Variants in CYP27B1 observed in about 807,000 individuals in gnomAD.
CYP27B1 encodes 25-hydroxyvitamin D-1 alpha hydroxylase, mitochondrial.
Under a neutral mutation model 54.8 loss-of-function variants are expected in CYP27B1, and 46 were observed. That is an observed-to-expected ratio of 0.84 (90% CI 0.66 to 1.07). The LOEUF (loss-of-function observed/expected upper bound fraction) is 1.07. Ranked by LOEUF, CYP27B1 falls within the 50% of genes least tolerant of loss-of-function variation. The pLI, the probability that CYP27B1 is intolerant of heterozygous loss-of-function variation, is 0.00. For synonymous variants in CYP27B1, 292 were observed against 297.3 expected (o/e 0.98, Z 0.18); for missense variants, 674 against 692.2 (o/e 0.97, Z 0.30).
In CYP27B1 at chr12:57,767,046, T is replaced by G. The variant is rs775231921; in HGVS notation, c.-5A>C. ...GTACTTGAGGGTCTGGGTCATGGTC[T>G]GGTTCAGGGTGCTCGCGAAAGAAAG... On this transcript the variant is annotated 5_prime_UTR_variant, in exon 1 of 9. Transcript: ENST00000228606. 6.2e-7 allele frequency: 1 copy of G among 1,614,084 alleles called. No homozygotes were observed. The highest frequency in any genetic ancestry group is 8.5e-7 in the Non-Finnish European group (1 of 1,179,930).
rs1565810563 is a variant in CYP27B1, at chr12:57,763,702, T to TG, written c.1321dup (p.His441ProfsTer24). ...GCCAAAGGGAAGAGATGCAAATGGG[T>TG]GGGGGGTGGGACCCTCCCCCAGCCA... On this transcript the variant is annotated frameshift_variant, in exon 8 of 9. Transcript: ENST00000228606. LOFTEE classifies it high-confidence loss of function. 2 of 1,475,972 alleles carry TG rather than the reference T, an allele frequency of 1.4e-6. No homozygotes were observed. Among genetic ancestry groups the TG allele is most frequent in the Non-Finnish European group, 9.4e-7 (1 of 1,059,084 alleles). The allele number at this position is 1,475,972 out of a possible 1,614,324, so 91.4% of individuals were successfully genotyped here. A position where few individuals can be genotyped will look rare whatever the true frequency, so the allele number is the denominator to read the frequency against.
chr12:57,766,766 C>G (rs2427641), intron 1 of CYP27B1, 81 bp downstream of exon 1: 8 of 1,454,676 alleles, frequency 5.5e-6, no homozygotes, highest in Non-Finnish European at 7.7e-6. Flanking sequence ...CCCACATTTG[C>G]TCTGCACTAG....
chr12:57,766,715 G>A (rs892947806), intron 1 of CYP27B1, 132 bp downstream of exon 1: 5 of 1,010,810 alleles, frequency 4.9e-6, no homozygotes, highest in African/African-American at 1.6e-5. Flanking sequence ...GCCTCAACTC[G>A]CCTTTTCCTT....
In CYP27B1 at chr12:57,764,971, G is replaced by T. The variant is rs772846974; in HGVS notation, c.790+40C>A. 4 of 1,613,992 alleles carry T rather than the reference G, an allele frequency of 2.5e-6. No homozygotes were observed. The South Asian group carries it at 4.4e-5, about 18-fold the overall frequency. On this transcript the variant is annotated intron_variant, in intron 4 of 8. Transcript: ENST00000228606. ...GTGAATACCTCGCTACCCCTGGACA[G>T]CTTTACATTCCCCCATTTCCACCTC...
rs1955349583 is a variant in CYP27B1, at chr12:57,765,225, G to T, written c.590-14C>A. On this transcript the variant is annotated splice_polypyrimidine_tract_variant and intron_variant, in intron 3 of 8. Transcript: ENST00000228606. This position sits in a 1 kb window ranked among gnomAD's most constrained non-coding sequence, Gnocchi z 5.8. ...CCGCGGCGATGCCTTGTCGGGAGGG[G>T]GCGCCGTCAGGGTTCCGGGAGGCTC... 1 of 1,611,434 alleles carries T rather than the reference G, an allele frequency of 6.2e-7. No individual in the cohort carries two copies. The highest frequency in any genetic ancestry group is 1.3e-5 in the African/African-American group (1 of 74,902).
chr12:57,765,435 C>A lies in CYP27B1; in HGVS notation c.451G>T (p.Ala151Ser). Reference protein sequence around the residue: ...LAPLLLRPQAAARYAGTLNNV... With the variant: ...LAPLLLRPQASARYAGTLNNV... The stretch of plus-strand genomic sequence containing the variant: ...TTCAGGGTTCCGGCGTAGCGGGCGG[C>A]CGCTTGAGGCCGGAGGAGGAGCGGG... The change falls in exon 3 of 9, where the codon GCC becomes TCC. Residue 151 changes from alanine to serine, a missense_variant. Ala to Ser is a moderately conservative substitution (Grantham distance 99). Coordinates refer to ENST00000228606, the MANE Select transcript of CYP27B1 (RefSeq NM_000785.4). This position sits in a 1 kb window ranked among gnomAD's most constrained non-coding sequence, Gnocchi z 5.8. The A allele has an allele frequency of 6.2e-7, 1 of 1,612,656 alleles. No homozygotes were observed. The highest frequency in any genetic ancestry group is 8.5e-7 in the Non-Finnish European group (1 of 1,179,488).
Position 57,766,827 on chromosome 12 carries a change from G to A in CYP27B1, c.195+20C>T, listed in dbSNP as rs1955365957. 9.3e-6 allele frequency: 15 copies of A among 1,613,786 alleles called. No individual in the cohort carries two copies. Among genetic ancestry groups the A allele is most frequent in the African/African-American group, 1.3e-5 (1 of 74,932 alleles). On this transcript the variant is annotated intron_variant, in intron 1 of 8. Transcript: ENST00000228606. ...CCAGTTTCCCCAGCACTCTGTCTCG[G>A]GAAAGGCGTCCCTTCCTACCTGCAG...
rs1348643144 is a variant in CYP27B1, at chr12:57,764,884, C to A, written c.833G>T (p.Arg278Met). ...VERREAEAAMRNGGQPEKDLE... is the reference protein window; with the variant it reads ...VERREAEAAMMNGGQPEKDLE... ...GTCCTTCTCGGGCTGTCCTCCGTTCCTCATGGCTGCCTCTGCCTCTCGCCG... is the reference window on the plus strand; with the variant it reads ...GTCCTTCTCGGGCTGTCCTCCGTTCATCATGGCTGCCTCTGCCTCTCGCCG... The change falls in exon 5 of 9, where the codon AGG (arginine) becomes ATG (methionine). Residue 278 changes from arginine (R) to methionine (M), a missense_variant. Physicochemically the swap from Arg to Met is moderately conservative, Grantham distance 91. Coordinates refer to ENST00000228606, the MANE Select transcript of CYP27B1 (RefSeq NM_000785.4). 2 of 1,614,182 alleles carry A rather than the reference C, an allele frequency of 1.2e-6. No individual in the cohort carries two copies. Among genetic ancestry groups the A allele is most frequent in the East Asian group, 4.5e-5 (2 of 44,880 alleles).
intron 8 of CYP27B1, 44 bp downstream of exon 8, chr12:57,763,567 G>T: frequency 1.3e-6 from 2 of 1,531,462 alleles, no homozygotes; most frequent in South Asian, 2.2e-5. Flanking sequence ...TAGAGGGTTA[G>T]GGTCTCTCCA....
At chr12:57,764,229 C>G in intron 6 of CYP27B1, 53 bp from the exon 7 acceptor site, 1 of 1,565,464 alleles carries the variant, frequency 6.4e-7, no homozygotes, top group Non-Finnish European at 8.8e-7. Flanking sequence ...GGGGCTGCAG[C>G]CCCCTTCTCA....
intron 7 of CYP27B1, 91 bp downstream of exon 7, chr12:57,764,007 G>A (rs1955338729): frequency 3.3e-6 from 4 of 1,201,886 alleles, no homozygotes; most frequent in African/African-American, 3.0e-5. Flanking sequence ...GGGAGTGTTT[G>A]AAGGGCTTTT....
rs1955356359 is a variant in CYP27B1 at position 57,765,942 on chromosome 12, CG to C, written c.386+64del. On this transcript the variant is annotated intron_variant, in intron 2 of 8. Transcript: ENST00000228606. This position sits in a 1 kb window ranked among gnomAD's most constrained non-coding sequence, Gnocchi z 5.8. Reference sequence around the variant, plus strand: ...CACCATGCCCCCAGATTGATAGTTTCGGGACCCGCAGCAGGAGAGGGCCGCT... The same window carrying C: ...CACCATGCCCCCAGATTGATAGTTTCGGACCCGCAGCAGGAGAGGGCCGCT... 1.4e-6 allele frequency: 2 copies of C among 1,474,676 alleles called. No homozygotes were observed. The highest frequency in any genetic ancestry group is 2.6e-5 in the Admixed American group (1 of 39,118). The allele number at this position is 1,474,676 out of a possible 1,614,324, so 91.3% of individuals were successfully genotyped here. A position where few individuals can be genotyped will look rare whatever the true frequency, so the allele number is the denominator to read the frequency against.
intron 7 of CYP27B1, 51 bp downstream of exon 7, chr12:57,764,047 C>T: frequency 6.8e-7 from 1 of 1,469,760 alleles, no homozygotes; most frequent in Non-Finnish European, 9.5e-7. Flanking sequence ...GGGTTGGGGC[C>T]CAAGATAGTG....
chr12:57,766,989 G>C lies in CYP27B1; in HGVS notation c.53C>G (p.Ala18Gly). Reference sequence around the variant, plus strand: ...GCCTAGGGAGGCGCCCAACTCGGGCGCCCAGCGGACGCGATGGAACACTCT... The same window carrying C: ...GCCTAGGGAGGCGCCCAACTCGGGCCCCCAGCGGACGCGATGGAACACTCT... ...ASRVFHRVRW[A>G]PELGASLGYR... Residue 18 changes from alanine (A) to glycine (G), a missense_variant, in exon 1 of 9, where the codon GCG becomes GGG. Transcript: ENST00000228606. 1 of 1,614,182 alleles carries C rather than the reference G, an allele frequency of 6.2e-7. No homozygotes were observed.
At position 57,765,950 on chromosome 12, in the gene CYP27B1, G is replaced by T. The variant is rs932900923; in HGVS notation, c.386+57C>A. ...CCCCAGATTGATAGTTTCGGGACCCGCAGCAGGAGAGGGCCGCTGCAGGGC... is the reference window on the plus strand; with the variant it reads ...CCCCAGATTGATAGTTTCGGGACCCTCAGCAGGAGAGGGCCGCTGCAGGGC... On this transcript the variant is annotated intron_variant, in intron 2 of 8. Coordinates refer to ENST00000228606, the MANE Select transcript of CYP27B1 (RefSeq NM_000785.4). This position sits in a 1 kb window ranked among gnomAD's most constrained non-coding sequence, Gnocchi z 5.8. 77 of 1,481,968 alleles carry T rather than the reference G, an allele frequency of 5.2e-5. No individual in the cohort carries two copies. In the African/African-American group the frequency reaches 8.9e-4, roughly 17 times the overall value. The allele number at this position is 1,481,968 out of a possible 1,614,324, so 91.8% of individuals were successfully genotyped here.
Position 57,765,219 on chromosome 12 carries a change from G to C in CYP27B1, c.590-8C>G. ...GCAGAACCGCGGCGATGCCTTGTCGGGAGGGGGCGCCGTCAGGGTTCCGGG... is the reference window on the plus strand; with the variant it reads ...GCAGAACCGCGGCGATGCCTTGTCGCGAGGGGGCGCCGTCAGGGTTCCGGG... On this transcript the variant is annotated splice_region_variant and splice_polypyrimidine_tract_variant and intron_variant, in intron 3 of 8. Coordinates refer to ENST00000228606, the MANE Select transcript of CYP27B1 (RefSeq NM_000785.4). This position sits in a 1 kb window ranked among gnomAD's most constrained non-coding sequence, Gnocchi z 5.8. 1 of 1,611,794 alleles carries C rather than the reference G, an allele frequency of 6.2e-7. No individual in the cohort carries two copies. Among genetic ancestry groups the C allele is most frequent in the Non-Finnish European group, 8.5e-7 (1 of 1,179,162 alleles).
At chr12:57,764,057 G>A in intron 7 of CYP27B1, 41 bp downstream of exon 7, 1 of 1,509,936 alleles carries the variant, frequency 6.6e-7, no homozygotes, top group South Asian at 1.1e-5. Flanking sequence ...CCAAGATAGT[G>A]AGGAATGGCT....
chr12:57,762,698 C>A lies in CYP27B1; in HGVS notation c.*444G>T. 1 of 252,396 alleles carries A rather than the reference C, an allele frequency of 4.0e-6. No homozygotes were observed. Among genetic ancestry groups the A allele is most frequent in the South Asian group, 5.1e-5 (1 of 19,746 alleles). The allele number at this position is 252,396 out of a possible 1,614,324, so 15.6% of individuals were successfully genotyped here. A position where few individuals can be genotyped will look rare whatever the true frequency, so the allele number is the denominator to read the frequency against. ...CATAAAAAACAAATAAGGCTTCACC[C>A]TTCCTCTCAAAGAGCTTACATGCAA... On this transcript the variant is annotated 3_prime_UTR_variant, in exon 9 of 9. Transcript: ENST00000228606.
At chr12:57,766,557 G>T in intron 1 of CYP27B1, 1 of 574,222 alleles carries the variant, frequency 1.7e-6, no homozygotes, top group Middle Eastern at 4.6e-4. Context: ...GCAGGCGGAG[G>T]GTACTGCCCA....
Sources: allele counts gnomAD v4.1 joint callset, GRCh38; gene constraint gnomAD v4.1.1; non-coding constraint Gnocchi (gnomAD v3.1); transcripts MANE v1.5; gene names NCBI Gene and HGNC (gene_info 2026-07-23, HGNC 2026-07-21).